The following AGTPBP1 variants were observed in gnomAD, a reference collection of about 807,000 sequenced individuals.
AGTPBP1 encodes cytosolic carboxypeptidase 1.
A neutral mutation model predicts 143.9 loss-of-function variants in AGTPBP1; 70 were observed. The observed-to-expected ratio is 0.49, with a 90% CI of 0.40 to 0.59. AGTPBP1 has a LOEUF of 0.59. AGTPBP1 is among the 20% of genes least tolerant of loss of function. AGTPBP1 has a pLI of 0.00. For synonymous variants in AGTPBP1, 463 were observed against 500.2 expected, an observed-to-expected ratio of 0.93 and a Z score of 0.99; for missense variants, 1,229 against 1,464.5, an observed-to-expected ratio of 0.84 and a Z score of 2.62.
rs546406110 is a variant in AGTPBP1 at position 85,741,418 on chromosome 9, G to A, written c.-34+357C>T. ...GCCCCTCGGCTGGACTCCCCGCGGCGCCGCGAGCTCGGGCCCGAGAGAAAG... is the reference window on the plus strand; with the variant it reads ...GCCCCTCGGCTGGACTCCCCGCGGCACCGCGAGCTCGGGCCCGAGAGAAAG... On this transcript the variant is annotated intron_variant, in intron 1 of 25. Coordinates refer to ENST00000357081, the MANE Select transcript of AGTPBP1 (RefSeq NM_001330701.2). 5 of 985,204 alleles carry A rather than the reference G, an allele frequency of 5.1e-6. No individual in the cohort carries two copies. The South Asian group carries it at 1.9e-4, about 37-fold the overall frequency. The allele number at this position is 985,204 out of a possible 1,614,324, so 61.0% of individuals were successfully genotyped here.
At chr9:85,678,568 G>A (rs1834977477) in intron 4 of AGTPBP1, among the ~76,000 whole-genome samples, 170 bp from the exon 5 acceptor site, 1 of 152,076 alleles carries the variant, frequency 6.6e-6, no homozygotes, top group African/African-American at 2.4e-5. Context: ...CTGCCTTTAA[G>A]AATTTTTACA....
At chr9:85,751,286 G>A in the AGTPBP1 span, among the ~76,000 whole-genome samples, 2 of 152,194 alleles carry the variant, frequency 1.3e-5, no homozygotes, top group Non-Finnish European at 2.9e-5. Flanking sequence ...GAAATTACTT[G>A]TGGAGAAGGT....
chr9:85,726,056 CAAAAAAAAAA>C (rs948203314), intron 1 of AGTPBP1, among the ~76,000 whole-genome samples: 2 of 40,786 alleles, frequency 4.9e-5, no homozygotes, highest in East Asian at 6.9e-4. Context: ...GACTCCATCT[CAAAAAAAAAA>C]AAAAAAAAAA....
At chr9:85,599,196 A>C (rs143122579) in intron 17 of AGTPBP1, among the ~76,000 whole-genome samples, 2,487 of 151,928 alleles carry the variant, frequency 0.016, 27 homozygotes, top group Middle Eastern at 0.054. Context: ...AGAGAGAGGG[A>C]CAGAAGGAGA....
intron 17 of AGTPBP1, among the ~76,000 whole-genome samples, chr9:85,613,545 A>C (rs953126562): frequency 2.0e-5 from 3 of 151,904 alleles, no homozygotes; most frequent in African/African-American, 4.8e-5. Flanking sequence ...ACAAATTATC[A>C]AGACTCCCTC....
rs55882437 is a variant in AGTPBP1, at chr9:85,572,004, G to GTTTTTTTTTTTTTTTTTTTTTTTTTTTT, written c.3503+3283_3503+3310dup. On this transcript the variant is annotated intron_variant, in intron 25 of 25. Transcript: ENST00000357081. ...TGGCCATTATTAGTTGTTTGTGTGT[G>GTTTTTTTTTTTTTTTTTTTTTTTTTTTT]TTTTTTTTTTTTTTTTTTTTTTTTT... 4.6e-5 allele frequency among the ~76,000 whole-genome samples: 2 copies of GTTTTTTTTTTTTTTTTTTTTTTTTTTTT among 43,496 alleles called. 1 individual carries two copies. The highest frequency in any genetic ancestry group is 6.6e-4 in the Admixed American group (2 of 3,038). 28.5% of individuals were successfully genotyped at this position (43,496 alleles called of 152,430 possible).
chr9:85,726,229 C>CA (rs142765681), intron 1 of AGTPBP1, among the ~76,000 whole-genome samples: 58,129 of 122,724 alleles, frequency 0.47, 13,789 homozygotes, highest in Middle Eastern at 0.6. Context: ...GACTCTGTCT[C>CA]AAAAAAAAAA....
At position 85,588,455 on chromosome 9, in the gene AGTPBP1, A is replaced by G; in HGVS notation, c.2746T>C (p.Ser916Pro). Residue 916 changes from serine (S) to proline (P), a missense_variant, in exon 21 of 26, where the codon TCT becomes CCT. Coordinates refer to ENST00000357081, the MANE Select transcript of AGTPBP1 (RefSeq NM_001330701.2). Reference protein sequence around the residue: ...HFRNRPYVFLSARVHPGETNA... With the variant: ...HFRNRPYVFLPARVHPGETNA... The stretch of plus-strand genomic sequence containing the variant: ...GTTTCTCCAGGATGTACCCGAGCAG[A>G]CAAGAAAACGTAAGGGCGATTTCCT... 1 of 1,611,656 alleles carries G rather than the reference A, an allele frequency of 6.2e-7. No homozygotes were observed.
intron 11 of AGTPBP1, among the ~76,000 whole-genome samples, chr9:85,649,324 G>A (rs768883070): frequency 1.1e-4 from 16 of 152,146 alleles, no homozygotes; most frequent in Non-Finnish European, 1.8e-4. Context: ...TGTTGCTATT[G>A]TGCCTATAAA....
chr9:85,705,401 G>A (rs1327704913), intron 2 of AGTPBP1, among the ~76,000 whole-genome samples: 1 of 152,094 alleles, frequency 6.6e-6, no homozygotes, highest in Non-Finnish European at 1.5e-5. Context: ...AGGTAGCCAA[G>A]AGTGGTGGCT....
At chr9:85,729,773 T>C (rs113767500) in intron 1 of AGTPBP1, among the ~76,000 whole-genome samples, 165 of 151,664 alleles carry the variant, frequency 1.1e-3, no homozygotes, top group African/African-American at 3.7e-3. Context: ...AACAGGTATA[T>C]AAAAAGTTGC....
chr9:85,552,365 C>A (rs1288686306), intron 25 of AGTPBP1, among the ~76,000 whole-genome samples: 2 of 152,150 alleles, frequency 1.3e-5, no homozygotes, highest in African/African-American at 4.8e-5. Flanking sequence ...CAAAACTAAA[C>A]CTAAAAAATT....
rs1340046541 is a variant in AGTPBP1, at chr9:85,637,971, A to C, written c.1303-4597T>G. ...CAGAAGGTCTGAGACACAAAAGGTA[A>C]TGAAAAATTTTAAAGTGGTAAAAAT... On this transcript the variant is annotated intron_variant, in intron 13 of 25. Transcript: ENST00000357081. Among the ~76,000 whole-genome samples, 3 of 152,342 alleles carry C rather than the reference A, an allele frequency of 2.0e-5. No individual in the cohort carries two copies. The East Asian group carries it at 5.8e-4, about 29-fold the overall frequency.
At chr9:85,709,443 G>A (rs1162368160) in intron 2 of AGTPBP1, among the ~76,000 whole-genome samples, 1 of 152,070 alleles carries the variant, frequency 6.6e-6, no homozygotes, top group African/African-American at 2.4e-5. Flanking sequence ...TTTTTTTAGT[G>A]ATACCTACTA....
chr9:85,749,617 A>T, the AGTPBP1 span, among the ~76,000 whole-genome samples: 1 of 152,052 alleles, frequency 6.6e-6, no homozygotes, highest in Non-Finnish European at 1.5e-5. Flanking sequence ...TGAAGAAAAG[A>T]TATGAGAACT....
intron 25 of AGTPBP1, among the ~76,000 whole-genome samples, chr9:85,573,567 C>T (rs1340988122): frequency 2.6e-5 from 4 of 151,634 alleles, no homozygotes; most frequent in South Asian, 2.1e-4. Context: ...GGCCACCCAT[C>T]GTCTGGGATG....
At chr9:85,636,257 T>G (rs1832035028) in intron 13 of AGTPBP1, among the ~76,000 whole-genome samples, 1 of 141,650 alleles carries the variant, frequency 7.1e-6, no homozygotes, top group Admixed American at 7.3e-5. Context: ...TTTGTAAGGT[T>G]TCTTTTTTTT....
chr9:85,717,841 C>G (rs897713983), intron 1 of AGTPBP1, among the ~76,000 whole-genome samples: 9 of 152,120 alleles, frequency 5.9e-5, no homozygotes, highest in South Asian at 4.2e-4. Flanking sequence ...CCCCCACCCC[C>G]TAACAGGCCG....
intron 4 of AGTPBP1, among the ~76,000 whole-genome samples, chr9:85,681,025 A>G (rs1835135208): frequency 6.6e-6 from 1 of 152,262 alleles, no homozygotes; most frequent in South Asian, 2.1e-4. Context: ...AATATACTTC[A>G]ATAGTCACCT....
Sources: gnomAD v4.1 joint callset for allele counts (sites outside exome capture counted in the v4.1 genomes callset) on GRCh38, gnomAD v4.1.1 for gene constraint, MANE v1.5 for transcripts, NCBI Gene and HGNC (gene_info 2026-07-23, HGNC 2026-07-21) for gene names.